IQCJ: variants seen among roughly 807,000 people sequenced by gnomAD.
IQCJ encodes IQ motif containing J.
In IQCJ, 9 loss-of-function variants were observed where a neutral mutation model predicts 11.0. That is an observed-to-expected ratio of 0.82 (90% CI 0.49 to 1.43). IQCJ has a LOEUF of 1.43. Ranked by LOEUF, IQCJ falls within the 40% of genes most tolerant of loss-of-function variation. IQCJ has a pLI of 0.00. For synonymous variants in IQCJ, 55 were observed against 51.3 expected (o/e 1.07, Z -0.31); for missense variants, 146 against 133.2 (o/e 1.10, Z -0.47).
intron 1 of IQCJ, among the ~76,000 whole-genome samples, chr3:159,154,987 C>T (rs1277554687): frequency 6.6e-6 from 1 of 152,092 alleles, no homozygotes; most frequent in Non-Finnish European, 1.5e-5. Context: ...TTCATCCTCT[C>T]CATCCTTCGC....
intron 1 of IQCJ, among the ~76,000 whole-genome samples, chr3:159,203,551 C>T (rs542896469): frequency 1.3e-5 from 2 of 152,110 alleles, no homozygotes; most frequent in South Asian, 4.2e-4. Flanking sequence ...GTAACTCATG[C>T]ATCAAACTCT....
chr3:159,091,647 T>TAC (rs111512204), intron 1 of IQCJ, among the ~76,000 whole-genome samples: 14,772 of 133,890 alleles, frequency 0.11, 999 homozygotes, highest in East Asian at 0.16. Flanking sequence ...AAGGGGTATT[T>TAC]ACACACACAC....
At chr3:159,075,645 A>T (rs919826634) in intron 1 of IQCJ, among the ~76,000 whole-genome samples, 18 of 152,136 alleles carry the variant, frequency 1.2e-4, no homozygotes, top group Non-Finnish European at 1.5e-4. Flanking sequence ...ATTAAAAAAA[A>T]TGAATAAGAT....
intron 1 of IQCJ, among the ~76,000 whole-genome samples, chr3:159,118,734 T>C (rs984296501): frequency 2.0e-5 from 3 of 152,218 alleles, no homozygotes; most frequent in Non-Finnish European, 4.4e-5. Flanking sequence ...ACACCATTTC[T>C]ATGGTCTCAA....
chr3:159,145,612 G>C (rs911014070), intron 1 of IQCJ, among the ~76,000 whole-genome samples: 7 of 150,996 alleles, frequency 4.6e-5, no homozygotes, highest in African/African-American at 1.7e-4. Flanking sequence ...TGACATCATA[G>C]GAGAGACTTT....
chr3:159,178,748 C>T (rs776629371), intron 1 of IQCJ, among the ~76,000 whole-genome samples: 2 of 152,090 alleles, frequency 1.3e-5, no homozygotes, highest in Non-Finnish European at 2.9e-5. Flanking sequence ...TCAAACAGCT[C>T]TATACAGTGG....
At chr3:159,079,098 T>G (rs1055951032) in intron 1 of IQCJ, among the ~76,000 whole-genome samples, 10 of 152,108 alleles carry the variant, frequency 6.6e-5, no homozygotes, top group Admixed American at 1.3e-4. Flanking sequence ...CCAATCAGCT[T>G]CTTCTGTTTT....
At chr3:159,174,605 T>C (rs1250882180) in intron 1 of IQCJ, among the ~76,000 whole-genome samples, 1 of 152,174 alleles carries the variant, frequency 6.6e-6, no homozygotes, top group Non-Finnish European at 1.5e-5. Context: ...TCAAAAATTG[T>C]TTAAAATCTC....
intron 1 of IQCJ, among the ~76,000 whole-genome samples, chr3:159,089,852 GCCT>G (rs2108077691): frequency 6.6e-6 from 1 of 151,566 alleles, no homozygotes; most frequent in East Asian, 1.9e-4. Flanking sequence ...CAACTTCTTT[GCCT>G]TTGGTTTGAG....
chr3:159,115,772 A>T (rs112853342), intron 1 of IQCJ, among the ~76,000 whole-genome samples: 8 of 151,596 alleles, frequency 5.3e-5, no homozygotes, highest in Admixed American at 2.0e-4. Flanking sequence ...TGTTTTTTTT[A>T]AAAAATAGCC....
At chr3:159,227,304 T>A (rs1281122960) in intron 1 of IQCJ, among the ~76,000 whole-genome samples, 1 of 152,208 alleles carries the variant, frequency 6.6e-6, no homozygotes, top group Non-Finnish European at 1.5e-5. Flanking sequence ...TTAGCCACCA[T>A]GAAACTGTAG....
At chr3:159,110,773 C>G (rs886946181) in intron 1 of IQCJ, among the ~76,000 whole-genome samples, 1 of 152,106 alleles carries the variant, frequency 6.6e-6, no homozygotes, top group Non-Finnish European at 1.5e-5. Flanking sequence ...TAAACGGGCC[C>G]AAGGATTCTG....
intron 1 of IQCJ, among the ~76,000 whole-genome samples, chr3:159,220,698 A>G (rs1247893384): frequency 1.3e-5 from 2 of 152,182 alleles, no homozygotes; most frequent in Non-Finnish European, 2.9e-5. Flanking sequence ...AACAACAAAA[A>G]TACCACACCC....
intron 1 of IQCJ, among the ~76,000 whole-genome samples, chr3:159,159,404 G>A (rs924135709): frequency 6.6e-6 from 1 of 152,108 alleles, no homozygotes; most frequent in Non-Finnish European, 1.5e-5. Context: ...CTAGCTCTGG[G>A]AGGTACAGTC....
chr3:159,186,648 G>A (rs1378542930), intron 1 of IQCJ, among the ~76,000 whole-genome samples: 1 of 152,198 alleles, frequency 6.6e-6, no homozygotes, highest in Non-Finnish European at 1.5e-5. Flanking sequence ...TCTTGGCTCA[G>A]TAAATTCAGA....
intron 1 of IQCJ, among the ~76,000 whole-genome samples, chr3:159,204,583 G>C (rs1264466134): frequency 6.6e-6 from 1 of 152,192 alleles, no homozygotes; most frequent in Non-Finnish European, 1.5e-5. Flanking sequence ...AAAATATGCA[G>C]CATCACTTCA....
intron 1 of IQCJ, among the ~76,000 whole-genome samples, chr3:159,115,093 C>T (rs767594754): frequency 6.6e-6 from 1 of 152,196 alleles, no homozygotes. Flanking sequence ...TTTTCAACCA[C>T]CTTCTTGAGG....
chr3:159,239,990 T>A (rs968138816), intron 1 of IQCJ, among the ~76,000 whole-genome samples: 46 of 152,100 alleles, frequency 3.0e-4, no homozygotes, highest in African/African-American at 1.1e-3. Context: ...TCTCAGGACA[T>A]ATCCTTGTTA....
intron 1 of IQCJ, among the ~76,000 whole-genome samples, chr3:159,238,868 G>C (rs1223365805): frequency 6.6e-6 from 1 of 152,110 alleles, no homozygotes; most frequent in Admixed American, 6.6e-5. Context: ...GAGGTGGAGT[G>C]GGGAGAGGCA....
Sources: allele counts gnomAD v4.1 joint callset (sites outside exome capture counted in the v4.1 genomes callset), GRCh38; gene constraint gnomAD v4.1.1; transcripts MANE v1.5; gene names NCBI Gene and HGNC (gene_info 2026-07-23, HGNC 2026-07-21).